VPS13B: variants seen among roughly 807,000 people sequenced by gnomAD.
VPS13B encodes intermembrane lipid transfer protein VPS13B.
A neutral mutation model predicts 426.4 loss-of-function variants in VPS13B; 285 were observed. The observed-to-expected ratio is 0.67, with a 90% CI of 0.61 to 0.74. The LOEUF is 0.74. Among genes scored for constraint, VPS13B ranks in the 30% least tolerant of loss-of-function variants. VPS13B has a pLI of 0.00. For synonymous variants in VPS13B, 1,676 were observed against 1,676.4 expected (o/e 1.00, Z 0.01); for missense variants, 4,537 against 4,782.6 (o/e 0.95, Z 1.51).
At chr8:99,650,957 T>C (rs187445624) in intron 34 of VPS13B, among the ~76,000 whole-genome samples, 1 of 152,300 alleles carries the variant, frequency 6.6e-6, no homozygotes, top group Admixed American at 6.5e-5. Context: ...ATAGCACTTA[T>C]ATTGTATTAG....
At chr8:99,105,837 A>G (rs1847015287) in intron 5 of VPS13B, among the ~76,000 whole-genome samples, 1 of 152,168 alleles carries the variant, frequency 6.6e-6, no homozygotes, top group African/African-American at 2.4e-5. Flanking sequence ...TCCACTGCTA[A>G]TTTACAGTGC....
At chr8:99,794,993 T>C (rs534131959) in intron 43 of VPS13B, among the ~76,000 whole-genome samples, 1 of 152,294 alleles carries the variant, frequency 6.6e-6, no homozygotes, top group South Asian at 2.1e-4. Context: ...TTTCCAACCA[T>C]GTCCTGGATT....
Position 99,134,612 on chromosome 8 carries a change from A to T in VPS13B, c.1207-20A>T, listed in dbSNP as rs1315354046. ...CTTTAATACTAAATTTGATTTACTT[A>T]ATATTCTTATATTTCTTAGCTCACA... On this transcript the variant is annotated intron_variant, in intron 8 of 61. Coordinates refer to ENST00000357162, the MANE Select transcript of VPS13B (RefSeq NM_152564.5). 6.4e-7 allele frequency: 1 copy of T among 1,554,782 alleles called. No homozygotes were observed. Among genetic ancestry groups the T allele is most frequent in the African/African-American group, 1.4e-5 (1 of 73,564 alleles).
chr8:99,812,034 A>G (rs1045348952), intron 44 of VPS13B, among the ~76,000 whole-genome samples: 3 of 152,202 alleles, frequency 2.0e-5, no homozygotes, highest in Non-Finnish European at 4.4e-5. Flanking sequence ...GTTAAATTTC[A>G]GGGATAAATT....
chr8:99,127,784 AATTT>A (rs1386815832), intron 8 of VPS13B, among the ~76,000 whole-genome samples: 1 of 151,730 alleles, frequency 6.6e-6, no homozygotes, highest in Non-Finnish European at 1.5e-5. Flanking sequence ...TTTTAAAATG[AATTT>A]ATTATATGTT....
chr8:99,240,707 A>C (rs1275048389), intron 17 of VPS13B, among the ~76,000 whole-genome samples: 1 of 152,260 alleles, frequency 6.6e-6, no homozygotes, highest in East Asian at 1.9e-4. Context: ...ACTAAAAAAA[A>C]TCACTTTCTC....
intron 24 of VPS13B, among the ~76,000 whole-genome samples, chr8:99,469,028 A>G (rs530348078): frequency 1.3e-5 from 2 of 152,230 alleles, no homozygotes; most frequent in East Asian, 3.9e-4. Flanking sequence ...AGACCTAATA[A>G]TATATTGGTA....
chr8:99,303,242 T>A (rs1293460863), intron 19 of VPS13B, among the ~76,000 whole-genome samples: 6 of 111,540 alleles, frequency 5.4e-5, no homozygotes, highest in Non-Finnish European at 1.0e-4. Context: ...ATTGCGCCAC[T>A]GCACTCAGCC....
chr8:99,540,063 ATTTTTTTTTTTTTTTTTTTTTTT>A (rs1172789372), intron 30 of VPS13B, among the ~76,000 whole-genome samples: 2 of 8,812 alleles, frequency 2.3e-4, no homozygotes, highest in African/African-American at 4.1e-4. Context: ...ATATATATAT[ATTTTTTTTTTTTTTTTTTTTTTT>A]TTTTTTTTTT....
At chr8:99,363,833 A>G (rs1812694896) in intron 19 of VPS13B, among the ~76,000 whole-genome samples, 1 of 152,162 alleles carries the variant, frequency 6.6e-6, no homozygotes, top group Admixed American at 6.5e-5. Context: ...CTGCAGCTTT[A>G]CTGAATTTAT....
Position 99,192,886 on chromosome 8 carries a change from T to C in VPS13B, c.2344T>C (p.Ser782Pro). 1 of 1,613,134 alleles carries C rather than the reference T, an allele frequency of 6.2e-7. No homozygotes were observed. The highest frequency in any genetic ancestry group is 1.1e-5 in the South Asian group (1 of 91,058). The change falls in exon 17 of 62, where the codon TCT (serine) becomes CCT (proline). Residue 782 changes from serine (S) to proline (P), a missense_variant. Ser to Pro is a moderately conservative substitution (Grantham distance 74, BLOSUM62 -1). Coordinates refer to ENST00000357162, the MANE Select transcript of VPS13B (RefSeq NM_152564.5). ...LKLPTCWTKR[S>P]QIAITEGIFE... ...TGTTTTCTTGTGCAGGACCAAAAGATCTCAGATTGCTATAACTGAAGGTAT... is the reference window on the plus strand; with the variant it reads ...TGTTTTCTTGTGCAGGACCAAAAGACCTCAGATTGCTATAACTGAAGGTAT...
At chr8:99,295,757 A>G (rs1820000962) in intron 19 of VPS13B, among the ~76,000 whole-genome samples, 1 of 152,180 alleles carries the variant, frequency 6.6e-6, no homozygotes, top group South Asian at 2.1e-4. Context: ...GGCCAGGCGC[A>G]ATGGCTCATC....
chr8:99,540,879 C>G, intron 30 of VPS13B, among the ~76,000 whole-genome samples: 1 of 151,990 alleles, frequency 6.6e-6, no homozygotes, highest in East Asian at 1.9e-4. Context: ...TTTGTCTTTG[C>G]TATTGCTCGG....
chr8:99,299,448 A>G (rs1047926115), intron 19 of VPS13B, among the ~76,000 whole-genome samples: 1 of 152,204 alleles, frequency 6.6e-6, no homozygotes, highest in Non-Finnish European at 1.5e-5. Flanking sequence ...AATTATGCAC[A>G]TAAAGTATGT....
chr8:99,104,796 G>A (rs1846955376), intron 5 of VPS13B, among the ~76,000 whole-genome samples: 1 of 151,728 alleles, frequency 6.6e-6, no homozygotes, highest in Non-Finnish European at 1.5e-5. Context: ...GCTAATTTTT[G>A]TATTTTTTTG....
intron 25 of VPS13B, among the ~76,000 whole-genome samples, chr8:99,487,031 G>A (rs1204218220): frequency 1.3e-5 from 2 of 149,944 alleles, no homozygotes; most frequent in East Asian, 2.0e-4. Flanking sequence ...GAGTTTATCA[G>A]AACAGGGAAT....
chr8:99,694,853 A>G (rs1409594993), intron 35 of VPS13B, among the ~76,000 whole-genome samples: 4 of 152,146 alleles, frequency 2.6e-5, no homozygotes, highest in Middle Eastern at 3.2e-3. Context: ...ATTTACAAGA[A>G]AAAAACAAAC....
At chr8:99,080,805 C>T (rs190753122) in intron 3 of VPS13B, among the ~76,000 whole-genome samples, 7 of 152,246 alleles carry the variant, frequency 4.6e-5, no homozygotes, top group Non-Finnish European at 7.4e-5. Flanking sequence ...TAGATTTCTT[C>T]GTGTGCTTTA....
intron 61 of VPS13B, chr8:99,873,314 G>A (rs1019958265): frequency 3.3e-5 from 5 of 152,152 alleles, no homozygotes; most frequent in African/African-American, 1.2e-4. Context: ...ACAGACCTCA[G>A]TTTCCCTAGG....
Sources: allele counts gnomAD v4.1 joint callset (sites outside exome capture counted in the v4.1 genomes callset), GRCh38; gene constraint gnomAD v4.1.1; transcripts MANE v1.5; gene names NCBI Gene and HGNC (gene_info 2026-07-23, HGNC 2026-07-21).